Variants in SDSL observed in about 807,000 individuals in gnomAD.
The protein encoded by SDSL is serine dehydratase-like.
SDSL carries 26 observed loss-of-function variants against 27.6 expected under a neutral mutation model. That is an observed-to-expected ratio of 0.94 (90% CI 0.69 to 1.31). The LOEUF (loss-of-function observed/expected upper bound fraction) is 1.31. Ranked by LOEUF, SDSL falls within the 50% of genes most tolerant of loss-of-function variation. The pLI is 0.00. For missense variants in SDSL, 431 were observed against 423.5 expected (o/e 1.02, Z -0.16); for synonymous variants, 196 against 180.6 (o/e 1.09, Z -0.69).
intron 4 of SDSL, among the ~76,000 whole-genome samples, chr12:113,432,240 CTT>C (rs1491485626): frequency 8.3e-5 from 11 of 131,964 alleles, no homozygotes; most frequent in Non-Finnish European, 1.5e-4. Context: ...TTCTTTCTTT[CTT>C]TCTTTCTTTC....
rs1957963820 is a variant in SDSL, at chr12:113,434,191, A to C, written c.412A>C (p.Asn138His). The change falls in exon 5 of 8, where the codon AAT (asparagine) becomes CAT (histidine). Residue 138 changes from asparagine (N) to histidine (H), a missense_variant. By Grantham distance (68) the Asn-to-His change is moderately conservative. Coordinates refer to ENST00000403593, the MANE Select transcript of SDSL (RefSeq NM_001304993.2). ...GTTGGCCAAGAGGGACGGCTGGGAG[A>C]ATGTCCCCCCGTTTGACCACCCCCT... The part of the protein sequence containing the change: ...QELAKRDGWE[N>H]VPPFDHPLIW... 1.2e-6 allele frequency: 2 copies of C among 1,613,400 alleles called. No homozygotes were observed. The highest frequency in any genetic ancestry group is 2.7e-5 in the African/African-American group (2 of 75,004).
At chr12:113,428,919 T>TG (rs1274716109) in intron 3 of SDSL, among the ~76,000 whole-genome samples, 1 of 151,534 alleles carries the variant, frequency 6.6e-6, no homozygotes, top group Non-Finnish European at 1.5e-5. Flanking sequence ...ATCCTGGAAT[T>TG]GTTTTTTTTT....
chr12:113,428,757 C>A (rs774488840), intron 3 of SDSL, among the ~76,000 whole-genome samples: 15 of 152,096 alleles, frequency 9.9e-5, no homozygotes, highest in Non-Finnish European at 1.8e-4. Flanking sequence ...CTCTCTGTCT[C>A]TCCTTCTCTG....
At chr12:113,434,661 G>T (rs930204046) in intron 5 of SDSL, among the ~76,000 whole-genome samples, 1 of 152,216 alleles carries the variant, frequency 6.6e-6, no homozygotes, top group African/African-American at 2.4e-5. Flanking sequence ...AAGGGCTGCA[G>T]TCAGGCTGGT....
At position 113,431,153 on chromosome 12, in the gene SDSL, G is replaced by A. The variant is rs1044079587; in HGVS notation, c.354+1854G>A. 7.2e-5 allele frequency among the ~76,000 whole-genome samples: 11 copies of A among 152,176 alleles called. No individual in the cohort carries two copies. In the East Asian group the frequency reaches 7.7e-4, roughly 11 times the overall value. Reference sequence around the variant, plus strand: ...GAAAAGCTGTGGGTGAAGGTGTGGCGTGGATGAGCACGGTGCATTCAGGCT... The same window carrying A: ...GAAAAGCTGTGGGTGAAGGTGTGGCATGGATGAGCACGGTGCATTCAGGCT... On this transcript the variant is annotated intron_variant, in intron 4 of 7. Transcript: ENST00000403593.
chr12:113,436,026 C>T lies in SDSL; in HGVS notation c.671+470C>T, dbSNP rs138747459. Among the ~76,000 whole-genome samples, 149 of 152,260 alleles carry T rather than the reference C, an allele frequency of 9.8e-4. 2 individuals are homozygous for T. In the East Asian group the frequency reaches 0.02, roughly 21 times the overall value. On this transcript the variant is annotated intron_variant, in intron 6 of 7. Coordinates refer to ENST00000403593, the MANE Select transcript of SDSL (RefSeq NM_001304993.2). Reference sequence around the variant, plus strand: ...GTCCTAGCTACTTGGGAGGCTGAAACGGAAGGTTTGCTTGAGCCCAGGAGT... The same window carrying T: ...GTCCTAGCTACTTGGGAGGCTGAAATGGAAGGTTTGCTTGAGCCCAGGAGT...
At chr12:113,434,318 G>A in intron 5 of SDSL, 96 bp downstream of exon 5, 1 of 886,638 alleles carries the variant, frequency 1.1e-6, no homozygotes, top group East Asian at 2.5e-5. Context: ...CTGAGGCCCA[G>A]AGGGGAGAAG....
At position 113,429,317 on chromosome 12, in the gene SDSL, G is replaced by A; in HGVS notation, c.354+18G>A. The A allele has an allele frequency of 6.3e-7, 1 of 1,596,480 alleles. No homozygotes were observed. The highest frequency in any genetic ancestry group is 1.1e-5 in the South Asian group (1 of 90,418). On this transcript the variant is annotated intron_variant, in intron 4 of 7. Transcript: ENST00000403593. ...CTGGAAAGGTAAGGGCTCTGGGAAGGGGAGAACCATCTGGGTGGGCTGCTC... is the reference window on the plus strand; with the variant it reads ...CTGGAAAGGTAAGGGCTCTGGGAAGAGGAGAACCATCTGGGTGGGCTGCTC...
At chr12:113,435,660 G>A in intron 6 of SDSL, 104 bp downstream of exon 6, 3 of 927,232 alleles carry the variant, frequency 3.2e-6, no homozygotes, top group Non-Finnish European at 5.0e-6. Flanking sequence ...CCAAAAGGCT[G>A]TCCTTGGTCC....
At chr12:113,427,895 T>A (rs1054960738) in intron 1 of SDSL, 67 bp from the exon 2 acceptor site, 38 of 1,445,792 alleles carry the variant, frequency 2.6e-5, no homozygotes, top group Non-Finnish European at 3.5e-5. Flanking sequence ...CACCTTCCCC[T>A]CCCTGTCCTG....
intron 1 of SDSL, among the ~76,000 whole-genome samples, chr12:113,424,016 A>C (rs564980550): frequency 3.3e-5 from 5 of 151,546 alleles, no homozygotes; most frequent in African/African-American, 1.2e-4. Flanking sequence ...ATTTTTTATT[A>C]TTTTTTTTGA....
chr12:113,426,057 T>C (rs1281680468), intron 1 of SDSL: 3 of 411,896 alleles, frequency 7.3e-6, no homozygotes, highest in African/African-American at 6.1e-5. Context: ...CCATTGCAGG[T>C]AGAATTTGAA....
At position 113,436,780 on chromosome 12, in the gene SDSL, T is replaced by G; in HGVS notation, c.701T>G (p.Val234Gly). The G allele has an allele frequency of 6.2e-7, 1 of 1,610,710 alleles. No homozygotes were observed. The change falls in exon 7 of 8, where the codon GTG becomes GGG. Residue 234 changes from valine (V) to glycine (G), a missense_variant. Coordinates refer to ENST00000403593, the MANE Select transcript of SDSL (RefSeq NM_001304993.2). ...GCCAAGAGCCTGGGTGCCAAGACGG[T>G]GGCCGCTCGGGCCCTGGAGTGCATG... ...SVAKSLGAKT[V>G]AARALECMQV...
intron 1 of SDSL, 60 bp from the exon 2 acceptor site, chr12:113,427,902 C>T (rs997242520): frequency 1.4e-6 from 2 of 1,475,984 alleles, no homozygotes; most frequent in Middle Eastern, 2.3e-4. Flanking sequence ...CCCTCCCTGT[C>T]CTGGTTAAGG....
rs540918475 is a variant in SDSL at position 113,434,234 on chromosome 12, G to A, written c.443+12G>A. On this transcript the variant is annotated intron_variant, in intron 5 of 7. Coordinates refer to ENST00000403593, the MANE Select transcript of SDSL (RefSeq NM_001304993.2). ...CACCCCCTAATATGGTAAGGCTGACGCCCCTCTCCCCAGGAGTCCAGAGCT... is the reference window on the plus strand; with the variant it reads ...CACCCCCTAATATGGTAAGGCTGACACCCCTCTCCCCAGGAGTCCAGAGCT... The A allele has an allele frequency of 3.1e-6, 5 of 1,591,500 alleles. No homozygotes were observed. In the South Asian group the frequency reaches 3.4e-5, roughly 11 times the overall value.
At chr12:113,429,885 A>G (rs932603341) in intron 4 of SDSL, among the ~76,000 whole-genome samples, 2 of 151,946 alleles carry the variant, frequency 1.3e-5, no homozygotes, top group Admixed American at 6.6e-5. Context: ...TACTTCCTGT[A>G]TATAGTTTCT....
intron 1 of SDSL, among the ~76,000 whole-genome samples, chr12:113,424,224 G>A (rs1312292761): frequency 6.6e-6 from 1 of 152,196 alleles, no homozygotes; most frequent in South Asian, 2.1e-4. Context: ...GTTTCTCCAT[G>A]TTGGCCAGAC....
chr12:113,438,169 T>C lies in SDSL; in HGVS notation c.*90T>C. On this transcript the variant is annotated 3_prime_UTR_variant, in exon 8 of 8. Transcript: ENST00000403593. ...AGGACTCAGTGCTGGCAGATGGCAG[T>C]GGAAGCTGCCCTGTGCAACTGTGCT... The C allele has an allele frequency of 8.5e-7, 1 of 1,171,934 alleles. No homozygotes were observed. Among genetic ancestry groups the C allele is most frequent in the South Asian group, 1.5e-5 (1 of 67,632 alleles). The allele number at this position is 1,171,934 out of a possible 1,614,324, so 72.6% of individuals were successfully genotyped here.
In SDSL at chr12:113,436,848, G is replaced by T; in HGVS notation, c.769G>T (p.Ala257Ser). The T allele has an allele frequency of 1.9e-6, 3 of 1,609,782 alleles. No homozygotes were observed. The highest frequency in any genetic ancestry group is 1.1e-5 in the South Asian group (1 of 90,496). Residue 257 changes from alanine to serine, a missense_variant, in exon 7 of 8, where the codon GCT becomes TCT. Coordinates refer to ENST00000403593, the MANE Select transcript of SDSL (RefSeq NM_001304993.2). ...IHSEVVEDTE[A>S]VSAVQQLLDD... ...CTCTGAAGTGGTGGAGGACACCGAG[G>T]CTGTGAGCGCTGTGCAGCAGCTCCT...
Sources: allele counts gnomAD v4.1 joint callset (sites outside exome capture counted in the v4.1 genomes callset), GRCh38; gene constraint gnomAD v4.1.1; transcripts MANE v1.5; gene names NCBI Gene and HGNC (gene_info 2026-07-23, HGNC 2026-07-21).